Variants in SEMA3C observed in about 807,000 individuals in gnomAD.
SEMA3C encodes the protein semaphorin-3C.
Under a neutral mutation model 89.4 loss-of-function variants are expected in SEMA3C, and 47 were observed. The observed-to-expected ratio is 0.53, with a 90% CI of 0.42 to 0.67. The LOEUF is 0.67. Ranked by LOEUF, SEMA3C falls within the 30% of genes least tolerant of loss-of-function variation. The pLI is 0.00. For synonymous variants in SEMA3C, 310 were observed against 320.2 expected, an observed-to-expected ratio of 0.97 and a Z score of 0.34; for missense variants, 839 against 929.1, an observed-to-expected ratio of 0.90 and a Z score of 1.26.
intron 2 of SEMA3C, among the ~76,000 whole-genome samples, chr7:80,886,512 C>G (rs1791482928): frequency 1.3e-5 from 2 of 152,140 alleles, no homozygotes; most frequent in African/African-American, 4.8e-5. Context: ...CACCACCATA[C>G]CCAGCTAATT....
At chr7:80,883,159 T>C (rs1049211044) in intron 2 of SEMA3C, among the ~76,000 whole-genome samples, 1 of 152,228 alleles carries the variant, frequency 6.6e-6, no homozygotes, top group Non-Finnish European at 1.5e-5. Flanking sequence ...CTATCCTATA[T>C]GTGCTTTTTT....
intron 2 of SEMA3C, among the ~76,000 whole-genome samples, chr7:80,852,523 A>G (rs763652357): frequency 6.6e-6 from 1 of 152,210 alleles, no homozygotes; most frequent in Non-Finnish European, 1.5e-5. Context: ...GGAAACAATC[A>G]ACAAAGTGAA....
At chr7:80,851,853 G>A (rs1344651827) in intron 2 of SEMA3C, among the ~76,000 whole-genome samples, 1 of 151,998 alleles carries the variant, frequency 6.6e-6, no homozygotes, top group East Asian at 1.9e-4. Flanking sequence ...CTAAAATGTG[G>A]TACATTTTCA....
chr7:80,796,580 T>TATA (rs1393719157), intron 11 of SEMA3C: 3 of 152,180 alleles, frequency 2.0e-5, no homozygotes, highest in African/African-American at 7.2e-5. Flanking sequence ...CTGATGCTTT[T>TATA]CCCTGTTTTA....
chr7:80,791,548 A>C (rs1222065888), intron 11 of SEMA3C, among the ~76,000 whole-genome samples: 1 of 152,188 alleles, frequency 6.6e-6, no homozygotes, highest in Admixed American at 6.5e-5. Context: ...CATCAGTCAT[A>C]AATAGCAGGA....
intron 2 of SEMA3C, among the ~76,000 whole-genome samples, chr7:80,883,311 T>G (rs1410511044): frequency 6.6e-6 from 1 of 152,298 alleles, no homozygotes; most frequent in African/African-American, 2.4e-5. Flanking sequence ...ATTTAGATTC[T>G]GTTCCAAATC....
chr7:80,805,518 C>G, intron 7 of SEMA3C, 121 bp downstream of exon 7: 1 of 722,904 alleles, frequency 1.4e-6, no homozygotes, highest in Non-Finnish European at 2.1e-6. Flanking sequence ...ACAGAATTAC[C>G]ATTATTCATG....
At chr7:80,864,171 T>A (rs1169155709) in intron 2 of SEMA3C, among the ~76,000 whole-genome samples, 1 of 151,904 alleles carries the variant, frequency 6.6e-6, no homozygotes, top group Non-Finnish European at 1.5e-5. Flanking sequence ...ATGCTGTTAG[T>A]GATATGTGGG....
chr7:80,873,773 A>AG (rs1791129950), intron 2 of SEMA3C, among the ~76,000 whole-genome samples: 1 of 152,210 alleles, frequency 6.6e-6, no homozygotes, highest in South Asian at 2.1e-4. Context: ...GTGGTATGCA[A>AG]GGGAGTGATA....
At chr7:80,795,548 G>C (rs1305533840) in intron 11 of SEMA3C, among the ~76,000 whole-genome samples, 1 of 152,152 alleles carries the variant, frequency 6.6e-6, no homozygotes, top group African/African-American at 2.4e-5. Flanking sequence ...GAAACAAATG[G>C]TCATTCTTGA....
intron 2 of SEMA3C, among the ~76,000 whole-genome samples, chr7:80,844,961 G>A (rs371763391): frequency 1.3e-5 from 2 of 152,124 alleles, no homozygotes; most frequent in African/African-American, 4.8e-5. Flanking sequence ...TCTTTCCTTT[G>A]TCAGGGGGTT....
chr7:80,914,890 G>C (rs1792233122), intron 2 of SEMA3C, among the ~76,000 whole-genome samples: 2 of 152,172 alleles, frequency 1.3e-5, no homozygotes, highest in African/African-American at 4.8e-5. Flanking sequence ...CAGTTCTGAA[G>C]TCTGGTTCTA....
rs1465831379 is a variant in SEMA3C at position 80,797,181 on chromosome 7, T to C, written c.1131+911A>G. Among the ~76,000 whole-genome samples the C allele has an allele frequency of 4.6e-5, 7 of 152,264 alleles. No homozygotes were observed. In the East Asian group the frequency reaches 1.2e-3, roughly 25 times the overall value. ...TTTTATGAAATACAGAGATATAAGA[T>C]TATATTTCTCTTAATGTTCAATTAT... On this transcript the variant is annotated intron_variant, in intron 11 of 17. Transcript: ENST00000265361.
chr7:80,753,259 C>T (rs3778673), intron 15 of SEMA3C, among the ~76,000 whole-genome samples: 17,495 of 152,100 alleles, frequency 0.12, 1,036 homozygotes, highest in South Asian at 0.21. Flanking sequence ...TAGAATAGCT[C>T]GCATATCAAG....
At chr7:80,890,522 T>C (rs1791586143) in intron 2 of SEMA3C, among the ~76,000 whole-genome samples, 2 of 152,210 alleles carry the variant, frequency 1.3e-5, no homozygotes, top group South Asian at 4.1e-4. Flanking sequence ...AAAGTTGCTT[T>C]TTACTTGAGG....
chr7:80,781,845 G>A (rs556174648), intron 12 of SEMA3C, among the ~76,000 whole-genome samples: 4 of 152,316 alleles, frequency 2.6e-5, no homozygotes, highest in African/African-American at 7.2e-5. Flanking sequence ...TTGTTTTCAA[G>A]TCATCTAGAG....
intron 2 of SEMA3C, among the ~76,000 whole-genome samples, chr7:80,914,450 T>G (rs1481880118): frequency 6.9e-6 from 1 of 145,080 alleles, no homozygotes; most frequent in Non-Finnish European, 1.6e-5. Context: ...GGTTTAAAAT[T>G]TGTACATTTT....
chr7:80,803,829 A>G (rs184666104), intron 8 of SEMA3C, among the ~76,000 whole-genome samples: 19 of 152,264 alleles, frequency 1.2e-4, no homozygotes, highest in Non-Finnish European at 2.5e-4. Flanking sequence ...TTCAAGAACA[A>G]AAACAAAATA....
At chr7:80,822,117 G>A (rs189974742) in intron 4 of SEMA3C, among the ~76,000 whole-genome samples, 3 of 152,252 alleles carry the variant, frequency 2.0e-5, no homozygotes, top group Admixed American at 2.0e-4. Context: ...TTCTATGCGA[G>A]GCACTACATA....
Sources: gnomAD v4.1 joint callset for allele counts (sites outside exome capture counted in the v4.1 genomes callset) on GRCh38, gnomAD v4.1.1 for gene constraint, MANE v1.5 for transcripts, NCBI Gene and HGNC (gene_info 2026-07-23, HGNC 2026-07-21) for gene names.